Variants in VWDE observed in about 807,000 individuals in gnomAD.
VWDE encodes the protein von Willebrand factor D and EGF domains, also known as von Willebrand factor D and EGF domain-containing protein.
Under a neutral mutation model 178.4 loss-of-function variants are expected in VWDE, and 207 were observed. The ratio of observed to expected loss-of-function variants is 1.16; its 90% confidence interval spans 1.04 to 1.30. The LOEUF is 1.30. VWDE is among the 50% of genes most tolerant of loss of function. The pLI is 0.00. For missense variants in VWDE, 2,287 were observed against 1,901.3 expected, an observed-to-expected ratio of 1.20 and a Z score of -3.77; for synonymous variants, 738 against 651.4, an observed-to-expected ratio of 1.13 and a Z score of -2.02.
intron 1 of VWDE, among the ~76,000 whole-genome samples, chr7:12,397,280 T>A (rs1291035593): frequency 6.6e-6 from 1 of 152,100 alleles, no homozygotes. Context: ...CCTACAGCCA[T>A]CTGATCTTTG....
chr7:12,376,877 C>T (rs533132869), intron 7 of VWDE, among the ~76,000 whole-genome samples: 2 of 151,884 alleles, frequency 1.3e-5, no homozygotes, highest in African/African-American at 2.4e-5. Flanking sequence ...GTGCATCATT[C>T]CAAATGATTC....
chr7:12,357,149 T>C, intron 17 of VWDE, 116 bp downstream of exon 17: 1 of 1,302,972 alleles, frequency 7.7e-7, no homozygotes, highest in Non-Finnish European at 1.0e-6. Context: ...TTCCATACAA[T>C]GTTTAATAAC....
chr7:12,344,261 C>T lies in VWDE; in HGVS notation c.4012G>A (p.Gly1338Arg), dbSNP rs1299930785. The change falls in exon 21 of 29, where the codon GGA becomes AGA. Residue 1338 changes from glycine (G) to arginine (R), a missense_variant. Transcript: ENST00000275358. ...CAAATGTTAGGCTTAATACATTTTCCATGGTTTTTGCAATCAGGGTCACAA... is the reference window on the plus strand; with the variant it reads ...CAAATGTTAGGCTTAATACATTTTCTATGGTTTTTGCAATCAGGGTCACAA... Reference protein sequence around the residue: ...ALCDPDCKNHGKCIKPNICQC... With the variant: ...ALCDPDCKNHRKCIKPNICQC... The T allele has an allele frequency of 1.3e-6, 2 of 1,551,068 alleles. No homozygotes were observed.
rs1224709791 is a variant in VWDE, at chr7:12,370,679, A to G, written c.1773T>C (p.Tyr591=). ...ACCTCCATTCATTAATAAAAGCAAC[A>G]TAATTGTTAAAATTTTGATCAATTT... ...GMQIDQNFNN[Y]VAFINEWRIL... is the part of the protein sequence containing the mutation. Residue 591 remains tyrosine (Y), a synonymous_variant, in exon 11 of 29, where the codon TAT becomes TAC. Transcript: ENST00000275358. 1.3e-6 allele frequency: 2 copies of G among 1,551,128 alleles called. No individual in the cohort carries two copies. Among genetic ancestry groups the G allele is most frequent in the East Asian group, 2.4e-5 (1 of 40,894 alleles).
rs373879574 is a variant in VWDE at position 12,352,656 on chromosome 7, A to G, written c.3746-943T>C. On this transcript the variant is annotated intron_variant, in intron 18 of 28. Coordinates refer to ENST00000275358, the MANE Select transcript of VWDE (RefSeq NM_001135924.3). The stretch of plus-strand genomic sequence containing the variant: ...ATATTCAGGAGTAAATGTGAGAAGC[A>G]GAAGTAGAGAATTCCCCTTACCATC... Among the ~76,000 whole-genome samples, 63 of 152,306 alleles carry G rather than the reference A, an allele frequency of 4.1e-4. No individual in the cohort carries two copies. In the East Asian group the frequency reaches 6.8e-3, roughly 16 times the overall value.
chr7:12,378,900 C>A (rs889572046), intron 6 of VWDE, among the ~76,000 whole-genome samples: 1 of 152,146 alleles, frequency 6.6e-6, no homozygotes, highest in African/African-American at 2.4e-5. Flanking sequence ...GTGGGTGAGA[C>A]CTTCCAGGTT....
In VWDE at chr7:12,395,820, G is replaced by A. The variant is rs1161723979; in HGVS notation, c.59-2042C>T. 3.3e-5 allele frequency among the ~76,000 whole-genome samples: 5 copies of A among 152,028 alleles called. No homozygotes were observed. The East Asian group carries it at 5.8e-4, about 18-fold the overall frequency. ...GCTCTAGAATGCATGATACAGTTAA[G>A]TGAGGATTATATTGATGGCTTGGGC... is the stretch of plus-strand genomic sequence containing the variant. On this transcript the variant is annotated intron_variant, in intron 1 of 28. Transcript: ENST00000275358.
rs1378796441 is a variant in VWDE, at chr7:12,331,176, A to G, written c.*7T>C. The G allele has an allele frequency of 3.1e-5, 48 of 1,541,122 alleles. No homozygotes were observed. Among genetic ancestry groups the G allele is most frequent in the Non-Finnish European group, 4.2e-5 (48 of 1,140,126 alleles). On this transcript the variant is annotated 3_prime_UTR_variant, in exon 29 of 29. Coordinates refer to ENST00000275358, the MANE Select transcript of VWDE (RefSeq NM_001135924.3). ...TACAGGCTTGTAATTCATATACTTG[A>G]TGCTACTCAATGGCGTCTTATCTGT...
chr7:12,355,772 C>G (rs73298518), intron 18 of VWDE, among the ~76,000 whole-genome samples: 2,400 of 152,132 alleles, frequency 0.016, 57 homozygotes, highest in African/African-American at 0.054. Context: ...TGTATTTTCT[C>G]TGGCATAATT....
rs923594695 is a variant in VWDE, at chr7:12,350,497, C to T, written c.3886+1076G>A. 1.3e-4 allele frequency among the ~76,000 whole-genome samples: 20 copies of T among 152,014 alleles called. 1 individual carries two copies. The highest frequency in any genetic ancestry group is 1.5e-5 in the Non-Finnish European group (1 of 67,970). On this transcript the variant is annotated intron_variant, in intron 19 of 28. Transcript: ENST00000275358. ...AGCAACTAATAAAAGGAAAATTCAT[C>T]AATTGGATAAATGGTATCTAGCAGA...
chr7:12,369,712 C>A lies in VWDE; in HGVS notation c.2594G>T (p.Arg865Met). The A allele has an allele frequency of 1.9e-6, 3 of 1,551,044 alleles. No homozygotes were observed. The South Asian group carries it at 3.6e-5, about 18-fold the overall frequency. ...VALLENECEK[R>M]IVEEGKYNTE... ...GTTATATTTCCCCTCCTCCACAATC[C>A]TCTTTTCACATTCATTTTCTAAAAG... The change falls in exon 12 of 29, where the codon AGG becomes ATG. Residue 865 changes from arginine (R) to methionine (M), a missense_variant. Coordinates refer to ENST00000275358, the MANE Select transcript of VWDE (RefSeq NM_001135924.3).
chr7:12,355,284 C>T (rs571636372), intron 18 of VWDE, among the ~76,000 whole-genome samples: 1 of 151,930 alleles, frequency 6.6e-6, no homozygotes, highest in Admixed American at 6.5e-5. Flanking sequence ...GGGCTGGTGG[C>T]GGGCGCCTGT....
chr7:12,382,686 C>T (rs1783913776), intron 4 of VWDE, among the ~76,000 whole-genome samples: 1 of 151,748 alleles, frequency 6.6e-6, no homozygotes, highest in Non-Finnish European at 1.5e-5. Flanking sequence ...TCAACAGTCT[C>T]TCATGCATTT....
intron 19 of VWDE, among the ~76,000 whole-genome samples, chr7:12,348,830 T>C (rs1335855201): frequency 6.6e-6 from 1 of 151,656 alleles, no homozygotes; most frequent in African/African-American, 2.4e-5. Flanking sequence ...CCAACCCAAA[T>C]GTCCAACAAC....
chr7:12,338,691 A>G (rs1447965576), intron 24 of VWDE, among the ~76,000 whole-genome samples: 1 of 152,150 alleles, frequency 6.6e-6, no homozygotes, highest in Non-Finnish European at 1.5e-5. Context: ...TATGAGATCT[A>G]TAGGCCTCAT....
chr7:12,347,015 T>C (rs765784485), intron 19 of VWDE, among the ~76,000 whole-genome samples: 10 of 152,212 alleles, frequency 6.6e-5, no homozygotes, highest in Non-Finnish European at 1.5e-4. Context: ...AAAAAGCATA[T>C]GGGTTCAGAC....
chr7:12,336,857 A>C, intron 26 of VWDE, 131 bp downstream of exon 26: 1 of 794,578 alleles, frequency 1.3e-6, no homozygotes, highest in Non-Finnish European at 2.0e-6. Context: ...TATCTCCTAA[A>C]GCAAGAATAA....
intron 4 of VWDE, among the ~76,000 whole-genome samples, 160 bp from the exon 5 acceptor site, chr7:12,380,893 T>A (rs558015313): frequency 4.7e-4 from 72 of 152,298 alleles, no homozygotes; most frequent in African/African-American, 1.7e-3. Flanking sequence ...AGTAATACTT[T>A]CATATTCTGG....
chr7:12,368,293 A>G (rs1261058981), intron 12 of VWDE, among the ~76,000 whole-genome samples: 1 of 151,454 alleles, frequency 6.6e-6, no homozygotes, highest in Admixed American at 6.6e-5. Context: ...TTTCAGGAAT[A>G]TAGAAAAAAT....
Sources: allele counts gnomAD v4.1 joint callset (sites outside exome capture counted in the v4.1 genomes callset), GRCh38; gene constraint gnomAD v4.1.1; transcripts MANE v1.5; gene names NCBI Gene and HGNC (gene_info 2026-07-23, HGNC 2026-07-21).